Variants in KAZN observed in about 807,000 individuals in gnomAD.
KAZN encodes the protein kazrin, periplakin interacting protein, also known as kazrin.
KAZN carries 40 observed loss-of-function variants against 87.4 expected under a neutral mutation model. The ratio of observed to expected loss-of-function variants is 0.46; its 90% CI spans 0.36 to 0.60. The LOEUF is 0.60. KAZN is among the 20% of genes least tolerant of loss of function. KAZN has a pLI of 0.00. For missense variants in KAZN, 898 were observed against 1,073.9 expected, an observed-to-expected ratio of 0.84 and a Z score of 2.29; for synonymous variants, 466 against 458.3, an observed-to-expected ratio of 1.02 and a Z score of -0.22.
chr1:14,049,554 G>A (rs1245019330), intron 1 of KAZN, among the ~76,000 whole-genome samples: 1 of 152,046 alleles, frequency 6.6e-6, no homozygotes, highest in Non-Finnish European at 1.5e-5. Flanking sequence ...AGTAATAATA[G>A]GTCACCTATC....
intron 2 of KAZN, among the ~76,000 whole-genome samples, chr1:14,491,464 G>A (rs1042931523): frequency 3.9e-5 from 6 of 152,030 alleles, no homozygotes; most frequent in African/African-American, 1.2e-4. Context: ...TCCCCTACCC[G>A]CCGACAGGTC....
At chr1:15,098,936 C>T (rs558811942) in intron 10 of KAZN, among the ~76,000 whole-genome samples, 52 of 152,340 alleles carry the variant, frequency 3.4e-4, no homozygotes, top group Middle Eastern at 3.4e-3. Context: ...AGGAGCTGAC[C>T]GTCCAGTGAG....
chr1:13,953,103 G>A (rs140389661), intron 1 of KAZN, among the ~76,000 whole-genome samples: 2 of 152,014 alleles, frequency 1.3e-5, no homozygotes, highest in Non-Finnish European at 2.9e-5. Context: ...ACTACAGAAC[G>A]GCCCCCGAAT....
At chr1:14,162,718 G>A (rs1645736332) in intron 1 of KAZN, among the ~76,000 whole-genome samples, 1 of 151,762 alleles carries the variant, frequency 6.6e-6, no homozygotes, top group Admixed American at 6.6e-5. Context: ...CTAATTTTTT[G>A]TATTTTTAGT....
chr1:14,437,891 G>A (rs1345702790), intron 2 of KAZN, among the ~76,000 whole-genome samples: 2 of 152,086 alleles, frequency 1.3e-5, no homozygotes, highest in Non-Finnish European at 1.5e-5. Flanking sequence ...AGGAGGAGGA[G>A]GAGCTGCCAT....
At chr1:14,751,011 T>C (rs1235822151) in intron 1 of KAZN, among the ~76,000 whole-genome samples, 1 of 152,222 alleles carries the variant, frequency 6.6e-6, no homozygotes, top group Non-Finnish European at 1.5e-5. Context: ...CCTTGTTACG[T>C]GGCGACGTCA....
At chr1:14,577,352 C>T (rs183734441) in intron 2 of KAZN, among the ~76,000 whole-genome samples, 86 of 152,260 alleles carry the variant, frequency 5.6e-4, no homozygotes, top group South Asian at 2.9e-3. Context: ...CATTGGATTG[C>T]GGTAATTCAT....
chr1:14,973,252 A>G (rs539911679), intron 2 of KAZN, among the ~76,000 whole-genome samples: 1 of 152,282 alleles, frequency 6.6e-6, no homozygotes, highest in East Asian at 1.9e-4. Context: ...TTGAAGTCCT[A>G]CTGTTTGCCA....
intron 2 of KAZN, among the ~76,000 whole-genome samples, chr1:14,533,284 G>C (rs1452044694): frequency 6.6e-6 from 1 of 152,144 alleles, no homozygotes; most frequent in Non-Finnish European, 1.5e-5. Flanking sequence ...TAGAGTAGTG[G>C]GGGGAAAATG....
At chr1:14,007,958 C>T (rs993723987) in intron 1 of KAZN, among the ~76,000 whole-genome samples, 1 of 152,178 alleles carries the variant, frequency 6.6e-6, no homozygotes, top group Non-Finnish European at 1.5e-5. Flanking sequence ...TTTTGGCCCT[C>T]AGTTGCCTCA....
rs147550720 is a variant in KAZN at position 14,727,329 on chromosome 1, C to T, written c.226+128106C>T. 1.1e-4 allele frequency among the ~76,000 whole-genome samples: 17 copies of T among 151,976 alleles called. No homozygotes were observed. The East Asian group carries it at 2.9e-3, about 26-fold the overall frequency. On this transcript the variant is annotated intron_variant, in intron 1 of 14. Coordinates refer to ENST00000376030, the MANE Select transcript of KAZN (RefSeq NM_201628.3). ...GGCCCCTCCTGATGAATTAGTTCAG[C>T]GGTCCCCAACCTTCTTGGCACCAGG...
intron 1 of KAZN, among the ~76,000 whole-genome samples, chr1:14,945,435 G>A (rs1002440677): frequency 6.6e-6 from 1 of 152,148 alleles, no homozygotes; most frequent in African/African-American, 2.4e-5. Flanking sequence ...GTTTCACATC[G>A]GGACACCAGG....
chr1:14,130,773 CA>C (rs1214871449), intron 1 of KAZN, among the ~76,000 whole-genome samples: 1 of 152,036 alleles, frequency 6.6e-6, no homozygotes, highest in African/African-American at 2.4e-5. Flanking sequence ...CCCTCTGATA[CA>C]GGTAGAGAAT....
At chr1:14,264,194 C>T (rs1571175149) in intron 2 of KAZN, among the ~76,000 whole-genome samples, 1 of 152,146 alleles carries the variant, frequency 6.6e-6, no homozygotes, top group East Asian at 1.9e-4. Context: ...AGGTTCTAAA[C>T]CTAAGTCTGC....
chr1:14,268,780 C>T (rs1651697347), intron 2 of KAZN, among the ~76,000 whole-genome samples: 1 of 152,166 alleles, frequency 6.6e-6, no homozygotes. Context: ...AGGTTGCAGG[C>T]ATTAATTAAA....
At chr1:14,710,960 G>T (rs1642455435) in intron 1 of KAZN, among the ~76,000 whole-genome samples, 1 of 152,136 alleles carries the variant, frequency 6.6e-6, no homozygotes, top group African/African-American at 2.4e-5. Flanking sequence ...AAGGTGGGAG[G>T]ATCACTTGAG....
intron 3 of KAZN, among the ~76,000 whole-genome samples, chr1:15,038,479 G>A (rs1292289956): frequency 6.6e-6 from 1 of 152,182 alleles, no homozygotes; most frequent in Non-Finnish European, 1.5e-5. Context: ...ACTAATACCA[G>A]ACGTTTGTTG....
intron 1 of KAZN, among the ~76,000 whole-genome samples, chr1:14,959,075 C>T (rs1313361390): frequency 5.3e-5 from 8 of 152,270 alleles, no homozygotes; most frequent in African/African-American, 1.4e-4. Context: ...ATGAGTGCTG[C>T]GGAGAAAGAG....
chr1:14,411,832 T>TA (rs768942436), intron 2 of KAZN, among the ~76,000 whole-genome samples: 20 of 152,164 alleles, frequency 1.3e-4, no homozygotes, highest in Non-Finnish European at 2.6e-4. Flanking sequence ...ACACGTAACA[T>TA]AAAAAGAAAG....
Sources: allele counts gnomAD v4.1 joint callset (sites outside exome capture counted in the v4.1 genomes callset), GRCh38; gene constraint gnomAD v4.1.1; transcripts MANE v1.5; gene names NCBI Gene and HGNC (gene_info 2026-07-23, HGNC 2026-07-21).